ADAMTSL1: variants seen among roughly 807,000 people sequenced by gnomAD.
ADAMTSL1 encodes the protein ADAMTS like 1, also known as ADAMTS-like protein 1.
A neutral mutation model predicts 201.8 loss-of-function variants in ADAMTSL1; 126 were observed. That is an observed-to-expected ratio of 0.62 (90% CI 0.54 to 0.72). ADAMTSL1 has a LOEUF of 0.72. Ranked by LOEUF, ADAMTSL1 falls within the 30% of genes least tolerant of loss-of-function variation. The pLI, the probability that ADAMTSL1 is intolerant of heterozygous loss-of-function variation, is 0.00. For synonymous variants in ADAMTSL1, 1,121 were observed against 903.4 expected, an observed-to-expected ratio of 1.24 and a Z score of -4.32; for missense variants, 2,679 against 2,277.8, an observed-to-expected ratio of 1.18 and a Z score of -3.59.
At chr9:18,089,896 A>G (rs959335265) in intron 1 of ADAMTSL1, among the ~76,000 whole-genome samples, 1 of 152,170 alleles carries the variant, frequency 6.6e-6, no homozygotes, top group Non-Finnish European at 1.5e-5. Flanking sequence ...ATAAGGGTAG[A>G]TCTGTTAAAA....
At chr9:18,807,342 T>A (rs1252459422) in intron 20 of ADAMTSL1, among the ~76,000 whole-genome samples, 1 of 152,134 alleles carries the variant, frequency 6.6e-6, no homozygotes, top group Non-Finnish European at 1.5e-5. Flanking sequence ...AAATGGCTGT[T>A]CACAAAGCAT....
chr9:18,785,659 C>T (rs1415861735), intron 19 of ADAMTSL1, among the ~76,000 whole-genome samples: 2 of 152,216 alleles, frequency 1.3e-5, no homozygotes, highest in Non-Finnish European at 2.9e-5. Flanking sequence ...CAAAAGCTAA[C>T]TCCAGTCTGC....
chr9:18,526,871 C>T (rs1408205132), intron 2 of ADAMTSL1, among the ~76,000 whole-genome samples: 2 of 152,150 alleles, frequency 1.3e-5, no homozygotes, highest in African/African-American at 4.8e-5. Context: ...TCTATGGTCG[C>T]TCTAAGATCC....
intron 1 of ADAMTSL1, among the ~76,000 whole-genome samples, chr9:18,014,343 C>T (rs937818341): frequency 2.0e-5 from 3 of 151,956 alleles, no homozygotes; most frequent in African/African-American, 4.8e-5. Context: ...ATAGTCACAT[C>T]GAAGCATAAC....
At position 18,284,861 on chromosome 9, in the gene ADAMTSL1, A is replaced by G. The variant is rs577583186; in HGVS notation, c.207+120880A>G. 1.5e-4 allele frequency among the ~76,000 whole-genome samples: 23 copies of G among 152,346 alleles called. No homozygotes were observed. In the South Asian group the frequency reaches 4.8e-3, roughly 32 times the overall value. On this transcript the variant is annotated intron_variant, in intron 2 of 29. Coordinates refer to the ADAMTSL1 transcript ENST00000680146. ...TGTTATTAATATTTTATATGAATAA[A>G]TAGAAAACTATCCGTTATCATATTA...
chr9:18,107,359 G>A (rs1824803835), intron 1 of ADAMTSL1, among the ~76,000 whole-genome samples: 1 of 152,172 alleles, frequency 6.6e-6, no homozygotes. Flanking sequence ...AATTATGTTA[G>A]TGCTAGAATT....
chr9:18,307,287 C>G (rs1329906668), intron 2 of ADAMTSL1, among the ~76,000 whole-genome samples: 2 of 152,162 alleles, frequency 1.3e-5, no homozygotes, highest in African/African-American at 2.4e-5. Context: ...ACTGCATCAA[C>G]TAACAGGCAA....
intron 2 of ADAMTSL1, among the ~76,000 whole-genome samples, chr9:18,333,500 G>A (rs139497970): frequency 1.7e-4 from 26 of 152,248 alleles, no homozygotes; most frequent in Non-Finnish European, 2.6e-4. Context: ...GCAGTCTCGG[G>A]TGTTTCCTTA....
intron 2 of ADAMTSL1, among the ~76,000 whole-genome samples, chr9:18,279,431 G>C (rs1832702313): frequency 6.6e-6 from 1 of 151,612 alleles, no homozygotes; most frequent in African/African-American, 2.4e-5. Flanking sequence ...AGTTACTAGT[G>C]ATTTATTTTT....
Position 18,610,398 on chromosome 9 carries a change from A to C in ADAMTSL1, c.475-11845A>C, listed in dbSNP as rs543641085. Reference sequence around the variant, plus strand: ...TCCATGCATTTGAGATACTTTTGAGAGACAGAATTTTAGAGTTACTTTACA... The same window carrying C: ...TCCATGCATTTGAGATACTTTTGAGCGACAGAATTTTAGAGTTACTTTACA... On this transcript the variant is annotated intron_variant, in intron 4 of 28. Transcript: ENST00000380548. Among the ~76,000 whole-genome samples, 10 of 152,264 alleles carry C rather than the reference A, an allele frequency of 6.6e-5. No homozygotes were observed. The East Asian group carries it at 1.5e-3, about 24-fold the overall frequency.
At chr9:18,110,868 C>T (rs149385806) in intron 1 of ADAMTSL1, among the ~76,000 whole-genome samples, 1 of 152,160 alleles carries the variant, frequency 6.6e-6, no homozygotes, top group East Asian at 1.9e-4. Context: ...AACTGAACCA[C>T]CCCTCCCATA....
At chr9:18,372,470 A>G (rs998317201) in intron 2 of ADAMTSL1, among the ~76,000 whole-genome samples, 2 of 152,304 alleles carry the variant, frequency 1.3e-5, no homozygotes, top group African/African-American at 2.4e-5. Context: ...TCTACATTTC[A>G]TAGCAGATCA....
At chr9:18,152,800 G>T (rs1355605924) in intron 1 of ADAMTSL1, among the ~76,000 whole-genome samples, 1 of 152,000 alleles carries the variant, frequency 6.6e-6, no homozygotes. Context: ...AAGGTAGTGG[G>T]CAGGACAGAG....
At chr9:18,709,029 C>A (rs528108964) in intron 14 of ADAMTSL1, among the ~76,000 whole-genome samples, 1 of 152,092 alleles carries the variant, frequency 6.6e-6, no homozygotes, top group Non-Finnish European at 1.5e-5. Flanking sequence ...TTTTATATAA[C>A]GTAAATTGTA....
intron 14 of ADAMTSL1, among the ~76,000 whole-genome samples, chr9:18,714,301 G>C (rs1254317276): frequency 6.6e-6 from 1 of 151,596 alleles, no homozygotes; most frequent in Non-Finnish European, 1.5e-5. Flanking sequence ...AAAAATTAAT[G>C]AATCCAGGAG....
chr9:18,730,800 T>G (rs1250920545), intron 15 of ADAMTSL1, among the ~76,000 whole-genome samples: 1 of 152,218 alleles, frequency 6.6e-6, no homozygotes, highest in African/African-American at 2.4e-5. Context: ...GGCTGCATGC[T>G]GGAACAGCTG....
chr9:17,925,290 A>G (rs1409518472), intron 1 of ADAMTSL1, among the ~76,000 whole-genome samples: 1 of 122,178 alleles, frequency 8.2e-6, no homozygotes, highest in Non-Finnish European at 1.8e-5. Flanking sequence ...TGTGGAAGTC[A>G]GTGTGGCGAT....
At chr9:18,146,732 G>A (rs1293697128) in intron 1 of ADAMTSL1, among the ~76,000 whole-genome samples, 5 of 152,124 alleles carry the variant, frequency 3.3e-5, no homozygotes, top group Non-Finnish European at 7.4e-5. Flanking sequence ...CAGTGAATGT[G>A]GTAGTGTGCC....
chr9:18,216,714 C>G (rs1308288241), intron 2 of ADAMTSL1, among the ~76,000 whole-genome samples: 4 of 145,314 alleles, frequency 2.8e-5, no homozygotes, highest in Non-Finnish European at 6.0e-5. Context: ...TTCCATTTTC[C>G]TTTAGTTTTT....
Sources: gnomAD v4.1 joint callset for allele counts (sites outside exome capture counted in the v4.1 genomes callset) on GRCh38, gnomAD v4.1.1 for gene constraint, MANE v1.5 for transcripts, NCBI Gene and HGNC (gene_info 2026-07-23, HGNC 2026-07-21) for gene names.